The following KCNH8 variants were observed in gnomAD, a reference collection of about 807,000 sequenced individuals.
KCNH8 encodes the protein voltage-gated delayed rectifier potassium channel KCNH8.
A neutral mutation model predicts 103.6 loss-of-function variants in KCNH8; 70 were observed. That is an observed-to-expected ratio of 0.68 (90% confidence interval 0.56 to 0.82). KCNH8 has a LOEUF of 0.82. KCNH8 is among the 40% of genes least tolerant of loss of function. KCNH8 has a pLI of 0.00. For synonymous variants in KCNH8, 498 were observed against 489.4 expected (o/e 1.02, Z -0.23); for missense variants, 1,217 against 1,329.9 (o/e 0.92, Z 1.32).
chr3:19,350,575 T>C (rs1400130330), intron 5 of KCNH8, among the ~76,000 whole-genome samples: 1 of 152,148 alleles, frequency 6.6e-6, no homozygotes, highest in African/African-American at 2.4e-5. Context: ...CTGCAATATT[T>C]GCTGTTCTGC....
intron 3 of KCNH8, among the ~76,000 whole-genome samples, chr3:19,305,709 G>T (rs1292740506): frequency 1.3e-5 from 2 of 152,004 alleles, no homozygotes; most frequent in African/African-American, 4.8e-5. Flanking sequence ...AAAATCCAGA[G>T]AATTGTTAAC....
rs570533514 is a variant in KCNH8 at position 19,340,060 on chromosome 3, C to T, written c.443-2527C>T. On this transcript the variant is annotated intron_variant, in intron 3 of 15. Coordinates refer to ENST00000328405, the MANE Select transcript of KCNH8 (RefSeq NM_144633.3). ...TGTGTTATTAGACCTTCAGTTTTCTCGTCTGTAAATGGAGAATAATAATAC... is the reference window on the plus strand; with the variant it reads ...TGTGTTATTAGACCTTCAGTTTTCTTGTCTGTAAATGGAGAATAATAATAC... 3.3e-5 allele frequency among the ~76,000 whole-genome samples: 5 copies of T among 152,022 alleles called. No homozygotes were observed. The South Asian group carries it at 1.0e-3, about 32-fold the overall frequency.
chr3:19,521,493 A>G (rs568337053), intron 15 of KCNH8, among the ~76,000 whole-genome samples: 1 of 152,024 alleles, frequency 6.6e-6, no homozygotes, highest in Admixed American at 6.6e-5. Flanking sequence ...TCCTCATACA[A>G]GGTTATGCTT....
intron 3 of KCNH8, among the ~76,000 whole-genome samples, chr3:19,321,366 GTAT>G (rs1025669832): frequency 3.3e-5 from 5 of 151,794 alleles, no homozygotes; most frequent in Non-Finnish European, 7.4e-5. Flanking sequence ...TATCCCAGAG[GTAT>G]TGATACATTG....
At chr3:19,150,866 A>T (rs1271838050) in intron 1 of KCNH8, among the ~76,000 whole-genome samples, 5 of 152,170 alleles carry the variant, frequency 3.3e-5, no homozygotes, top group Admixed American at 3.3e-4. Context: ...ATGAAATCTG[A>T]CAATCAGAGA....
intron 1 of KCNH8, among the ~76,000 whole-genome samples, chr3:19,205,147 AC>A (rs2063701844): frequency 1.3e-5 from 2 of 151,782 alleles, no homozygotes; most frequent in Admixed American, 1.3e-4. Context: ...CTATCTATCT[AC>A]CTATCCATCC....
At chr3:19,349,996 G>A (rs1173973927) in intron 5 of KCNH8, among the ~76,000 whole-genome samples, 3 of 152,028 alleles carry the variant, frequency 2.0e-5, no homozygotes, top group African/African-American at 7.2e-5. Flanking sequence ...CAGTTCTAGT[G>A]TGACTCCTGC....
Position 19,298,900 on chromosome 3 carries a change from C to T in KCNH8, c.442+17571C>T, listed in dbSNP as rs568988306. Among the ~76,000 whole-genome samples the T allele has an allele frequency of 8.4e-5, 11 of 130,374 alleles. 1 individual carries two copies. The South Asian group carries it at 1.2e-3, about 14-fold the overall frequency. 85.5% of individuals were successfully genotyped at this position (130,374 alleles called of 152,430 possible). A position where few individuals can be genotyped will look rare whatever the true frequency, so the allele number is the denominator to read the frequency against. The stretch of plus-strand genomic sequence containing the variant: ...TCGCGCCACTGCACTCCGGCCTGGG[C>T]GACCTAGCGAGACTCCGTCTCAAAA... On this transcript the variant is annotated intron_variant, in intron 3 of 15. Coordinates refer to ENST00000328405, the MANE Select transcript of KCNH8 (RefSeq NM_144633.3).
intron 14 of KCNH8, among the ~76,000 whole-genome samples, chr3:19,517,765 A>G (rs1244271141): frequency 6.6e-6 from 1 of 152,004 alleles, no homozygotes; most frequent in Non-Finnish European, 1.5e-5. Context: ...CAATGGACAC[A>G]TCCAGTCACT....
intron 9 of KCNH8, 73 bp downstream of exon 9, chr3:19,450,378 C>A (rs1238045217): frequency 1.7e-6 from 2 of 1,189,518 alleles, no homozygotes; most frequent in African/African-American, 3.0e-5. Context: ...TGTTCTAATG[C>A]AGGTATCAGA....
At chr3:19,216,235 C>G (rs1308188804) in intron 1 of KCNH8, among the ~76,000 whole-genome samples, 1 of 152,124 alleles carries the variant, frequency 6.6e-6, no homozygotes, top group Non-Finnish European at 1.5e-5. Flanking sequence ...CCATTCTAGG[C>G]AGGGAATGGA....
At chr3:19,530,296 G>A (rs534433676) in intron 15 of KCNH8, among the ~76,000 whole-genome samples, 1 of 152,212 alleles carries the variant, frequency 6.6e-6, no homozygotes, top group African/African-American at 2.4e-5. Flanking sequence ...ATATCTAGAA[G>A]ATCTGAAATA....
intron 11 of KCNH8, among the ~76,000 whole-genome samples, chr3:19,492,097 A>C (rs2068335356): frequency 6.6e-6 from 1 of 152,050 alleles, no homozygotes; most frequent in African/African-American, 2.4e-5. Context: ...TGTATAGTTC[A>C]TAAATATTTT....
chr3:19,521,566 G>T (rs2068971108), intron 15 of KCNH8, among the ~76,000 whole-genome samples: 1 of 151,866 alleles, frequency 6.6e-6, no homozygotes, highest in South Asian at 2.1e-4. Flanking sequence ...GCCCAGTAGA[G>T]TAATAAGTGA....
At chr3:19,184,673 A>G (rs2063486093) in intron 1 of KCNH8, among the ~76,000 whole-genome samples, 1 of 151,922 alleles carries the variant, frequency 6.6e-6, no homozygotes, top group Non-Finnish European at 1.5e-5. Context: ...TAAAAGGTAA[A>G]GGTAGTATTT....
chr3:19,292,278 G>A (rs562015509), intron 3 of KCNH8, among the ~76,000 whole-genome samples: 1 of 152,260 alleles, frequency 6.6e-6, no homozygotes, highest in South Asian at 2.1e-4. Context: ...TCTAAAAAGT[G>A]AGCACTTCAA....
chr3:19,462,860 A>G (rs1470765957), intron 11 of KCNH8, among the ~76,000 whole-genome samples: 1 of 152,118 alleles, frequency 6.6e-6, no homozygotes, highest in Non-Finnish European at 1.5e-5. Flanking sequence ...ATGGCTAGCC[A>G]GTTTTCCCAG....
rs570983196 is a variant in KCNH8, at chr3:19,224,995, C to T, written c.77-28659C>T. Among the ~76,000 whole-genome samples the T allele has an allele frequency of 8.0e-4, 121 of 151,918 alleles. 1 individual carries two copies. The highest frequency in any genetic ancestry group is 2.8e-3 in the African/African-American group (114 of 41,446). The stretch of plus-strand genomic sequence containing the variant: ...GAGAGGAAAGAAAAACAGAGGCAAC[C>T]GTGATGAAGACTGAGAAAGAAAAAG... On this transcript the variant is annotated intron_variant, in intron 1 of 15. Transcript: ENST00000328405.
chr3:19,168,316 C>T (rs1050537169), intron 1 of KCNH8, among the ~76,000 whole-genome samples: 6 of 152,116 alleles, frequency 3.9e-5, no homozygotes, highest in Middle Eastern at 3.4e-3. Flanking sequence ...TGTGAGCCAC[C>T]GCGCCCGGCC....
Sources: allele counts gnomAD v4.1 joint callset (sites outside exome capture counted in the v4.1 genomes callset), GRCh38; gene constraint gnomAD v4.1.1; transcripts MANE v1.5; gene names NCBI Gene and HGNC (gene_info 2026-07-23, HGNC 2026-07-21).